SMARCA2: variants seen among roughly 807,000 people sequenced by gnomAD.
SMARCA2 encodes the protein SWI/SNF related BAF chromatin remodeling complex subunit ATPase 2.
A neutral mutation model predicts 199.8 loss-of-function variants in SMARCA2; 61 were observed. The ratio of observed to expected loss-of-function variants is 0.31; its 90% CI spans 0.25 to 0.38. SMARCA2 has a LOEUF of 0.38. Among genes scored for constraint, SMARCA2 ranks in the 10% least tolerant of loss-of-function variants. The pLI is 1.00. For synonymous variants in SMARCA2, 935 were observed against 732.0 expected, an observed-to-expected ratio of 1.28 and a Z score of -4.48; for missense variants, 1,344 against 2,012.2, an observed-to-expected ratio of 0.67 and a Z score of 6.35.
intron 27 of SMARCA2, among the ~76,000 whole-genome samples, chr9:2,148,887 A>G (rs1824899753): frequency 2.0e-5 from 3 of 151,504 alleles, no homozygotes. Context: ...ACTGTGCTTC[A>G]GTTGACCTGG....
chr9:2,097,522 C>A, intron 21 of SMARCA2, 51 bp downstream of exon 21: 13 of 1,033,662 alleles, frequency 1.3e-5, no homozygotes, highest in South Asian at 2.9e-5. Flanking sequence ...CATACTAATG[C>A]TAGTTAAAAA....
intron 27 of SMARCA2, among the ~76,000 whole-genome samples, chr9:2,140,992 C>T (rs1469537659): frequency 2.0e-5 from 3 of 152,024 alleles, no homozygotes; most frequent in Admixed American, 6.6e-5. Flanking sequence ...CTCTCTGAAC[C>T]GGCCTTTGGT....
chr9:2,131,842 A>AGGCAGG (rs1823972613), intron 27 of SMARCA2, among the ~76,000 whole-genome samples: 1 of 151,634 alleles, frequency 6.6e-6, no homozygotes, highest in Non-Finnish European at 1.5e-5. Context: ...CGGGAGGCTG[A>AGGCAGG]GGCAGGAGAA....
chr9:2,160,555 A>G (rs1825613465), intron 27 of SMARCA2: 3 of 699,508 alleles, frequency 4.3e-6, no homozygotes, highest in Admixed American at 4.0e-5. Flanking sequence ...ATCACTCTTT[A>G]TATTGATTGT....
intron 21 of SMARCA2, among the ~76,000 whole-genome samples, chr9:2,099,831 T>C (rs992126102): frequency 7.2e-5 from 11 of 152,268 alleles, no homozygotes; most frequent in African/African-American, 2.6e-4. Context: ...GGAAACAGTA[T>C]TTTTAACATG....
chr9:2,016,137 G>C lies in SMARCA2; in HGVS notation c.-37+733G>C, dbSNP rs1178465319. ...CGAAGGAGGTAGCGGCCACTGCCGC[G>C]GGGCCGGTGCGTGCCTGATCGGAGG... On this transcript the variant is annotated intron_variant, in intron 1 of 33. Coordinates refer to ENST00000349721, the MANE Select transcript of SMARCA2 (RefSeq NM_003070.5). The surrounding 1 kb of genome is among the most constrained non-coding windows in gnomAD (Gnocchi z 5.6). 1 of 152,456 alleles carries C rather than the reference G, an allele frequency of 6.6e-6. No individual in the cohort carries two copies. The highest frequency in any genetic ancestry group is 2.4e-5 in the African/African-American group (1 of 41,462). The allele number at this position is 152,456 out of a possible 1,614,324, so 9.4% of individuals were successfully genotyped here. A position where few individuals can be genotyped will look rare whatever the true frequency, so the allele number is the denominator to read the frequency against.
intron 24 of SMARCA2, among the ~76,000 whole-genome samples, chr9:2,111,324 C>T (rs1347617304): frequency 6.6e-6 from 1 of 151,182 alleles, no homozygotes; most frequent in South Asian, 2.1e-4. Context: ...CCTGTCTCTA[C>T]AAAAAAATAC....
intron 1 of SMARCA2, among the ~76,000 whole-genome samples, chr9:2,019,129 A>G (rs1418568583): frequency 6.6e-6 from 1 of 150,752 alleles, no homozygotes; most frequent in Non-Finnish European, 1.5e-5. Flanking sequence ...TTATTGCGGT[A>G]GACTGAGGGG....
At position 2,138,604 on chromosome 9, in the gene SMARCA2, AACTTATGAAAG is replaced by A. The variant is rs534463013; in HGVS notation, c.3981+14669_3981+14679del. ...CTTCTCTTCCACAGCTGCCTCTGAT[AACTTATGAAAG>A]ATGGGCTCAGGTGTCAGATGATCAG... On this transcript the variant is annotated intron_variant, in intron 27 of 33. Coordinates refer to ENST00000349721, the MANE Select transcript of SMARCA2 (RefSeq NM_003070.5). Among the ~76,000 whole-genome samples, 10 of 152,340 alleles carry A rather than the reference AACTTATGAAAG, an allele frequency of 6.6e-5. No individual in the cohort carries two copies. In the South Asian group the frequency reaches 1.7e-3, roughly 25 times the overall value.
At chr9:2,137,369 G>C (rs1824246277) in intron 27 of SMARCA2, among the ~76,000 whole-genome samples, 2 of 152,154 alleles carry the variant, frequency 1.3e-5, no homozygotes, top group African/African-American at 4.8e-5. Context: ...CTAAACACTT[G>C]AACATGGTCT....
intron 27 of SMARCA2, among the ~76,000 whole-genome samples, chr9:2,125,480 T>G (rs1823646179): frequency 1.3e-5 from 2 of 149,876 alleles, no homozygotes; most frequent in African/African-American, 2.5e-5. Flanking sequence ...AATAATAATC[T>G]GGGCCAACCT....
intron 28 of SMARCA2, among the ~76,000 whole-genome samples, chr9:2,163,478 AC>A (rs1193476647): frequency 6.6e-6 from 1 of 152,200 alleles, no homozygotes; most frequent in Non-Finnish European, 1.5e-5. Context: ...AGTAACTCTT[AC>A]GTTTTTACTC....
intron 5 of SMARCA2, among the ~76,000 whole-genome samples, chr9:2,049,782 AC>A (rs1820037880): frequency 6.6e-6 from 1 of 152,238 alleles, no homozygotes; most frequent in African/African-American, 2.4e-5. Context: ...TCCCTTAGGC[AC>A]TTGCAAAAGA....
rs997276560 is a variant in SMARCA2 at position 2,033,019 on chromosome 9, G to C, written c.293G>C (p.Gly98Ala). ...CATTGTGGATCCATGAAGGGCACTG[G>C]TATGCGACCACCTCACCCAGGCATG... Reference protein sequence around the residue: ...DIHCGSMKGTGMRPPHPGMGP... With the variant: ...DIHCGSMKGTAMRPPHPGMGP... The change falls in exon 3 of 34, where the codon GGT becomes GCT. Residue 98 changes from glycine (G) to alanine (A), a missense_variant. By Grantham distance (60) the Gly-to-Ala change is moderately conservative (BLOSUM62 0). This residue lies in a region of SMARCA2 where 275 missense variants were observed against 247.5 expected (regional missense o/e 1.11). Transcript: ENST00000349721. 1 of 1,614,090 alleles carries C rather than the reference G, an allele frequency of 6.2e-7. No homozygotes were observed. Among genetic ancestry groups the C allele is most frequent in the Non-Finnish European group, 8.5e-7 (1 of 1,179,938 alleles).
intron 14 of SMARCA2, among the ~76,000 whole-genome samples, chr9:2,078,098 A>G (rs1029431399): frequency 2.0e-5 from 3 of 152,184 alleles, no homozygotes; most frequent in Non-Finnish European, 2.9e-5. Flanking sequence ...TTTCTTTAAA[A>G]TTTTTAGGTG....
At chr9:2,135,481 T>C (rs1392889049) in intron 27 of SMARCA2, among the ~76,000 whole-genome samples, 1 of 152,154 alleles carries the variant, frequency 6.6e-6, no homozygotes, top group Non-Finnish European at 1.5e-5. Flanking sequence ...TGGTATTTTG[T>C]TATGGCAGCC....
intron 27 of SMARCA2, among the ~76,000 whole-genome samples, chr9:2,155,124 G>C (rs1825280904): frequency 6.6e-6 from 1 of 152,054 alleles, no homozygotes; most frequent in Non-Finnish European, 1.5e-5. Flanking sequence ...TTTATAATTT[G>C]GTAGGGTCTT....
chr9:2,150,731 G>A (rs569408281), intron 27 of SMARCA2, among the ~76,000 whole-genome samples: 1 of 151,560 alleles, frequency 6.6e-6, no homozygotes, highest in African/African-American at 2.4e-5. Flanking sequence ...CAGATTGGTG[G>A]TTTAAACAAC....
rs1823548997 is a variant in SMARCA2, at chr9:2,123,371, C to G, written c.3763-348C>G. 6.6e-6 allele frequency among the ~76,000 whole-genome samples: 1 copy of G among 152,044 alleles called. No individual in the cohort carries two copies. The highest frequency in any genetic ancestry group is 2.4e-5 in the African/African-American group (1 of 41,394). On this transcript the variant is annotated intron_variant, in intron 26 of 33. Coordinates refer to ENST00000349721, the MANE Select transcript of SMARCA2 (RefSeq NM_003070.5). This position sits in a 1 kb window ranked among gnomAD's most constrained non-coding sequence, Gnocchi z 4.1. ...TCCAGGGAAGCAATGAGTTGTATAG[C>G]CAAGAGGTCATATTTTTAAAATGCA... is the stretch of plus-strand genomic sequence containing the variant.
Sources: allele counts gnomAD v4.1 joint callset (sites outside exome capture counted in the v4.1 genomes callset), GRCh38; gene constraint gnomAD v4.1.1; regional missense constraint gnomAD v4.1.1; non-coding constraint Gnocchi (gnomAD v3.1); transcripts MANE v1.5; gene names NCBI Gene and HGNC (gene_info 2026-07-23, HGNC 2026-07-21).